The following SCRIB variants were observed in gnomAD, a reference collection of about 807,000 sequenced individuals.
SCRIB encodes protein scribble homolog.
In SCRIB, 72 loss-of-function variants were observed where a neutral mutation model predicts 170.0. That is an observed-to-expected ratio of 0.42 (90% CI 0.35 to 0.52). SCRIB has a LOEUF of 0.52. Among genes scored for constraint, SCRIB ranks in the 20% least tolerant of loss-of-function variants. The pLI is 0.02. For synonymous variants in SCRIB, 1,298 were observed against 1,044.3 expected (o/e 1.24, Z -4.68); for missense variants, 2,475 against 2,338.5 (o/e 1.06, Z -1.20).
intron 18 of SCRIB, 148 bp from the exon 19 acceptor site, chr8:143,805,583 T>C: frequency 1.2e-6 from 1 of 814,644 alleles, no homozygotes; most frequent in South Asian, 2.2e-5. Context: ...ACCCGAGACC[T>C]TTAGCCACAA....
At chr8:143,804,435 C>A in intron 21 of SCRIB, 133 bp downstream of exon 21, 1 of 942,308 alleles carries the variant, frequency 1.1e-6, no homozygotes, top group Non-Finnish European at 1.5e-6. Context: ...CCTCAAGGAG[C>A]TGCAGGGGAA....
chr8:143,806,833 G>A (rs575545977), intron 17 of SCRIB, 91 bp downstream of exon 17: 4 of 940,208 alleles, frequency 4.3e-6, no homozygotes, highest in Middle Eastern at 3.0e-4. Context: ...GCGTGTGAGT[G>A]TTCTCAGGGC....
chr8:143,800,550 CG>C (rs1185177904), intron 24 of SCRIB, among the ~76,000 whole-genome samples: 1 of 152,194 alleles, frequency 6.6e-6, no homozygotes, highest in Non-Finnish European at 1.5e-5. Flanking sequence ...CAAGAGCCAC[CG>C]GGGGACACCC....
In SCRIB at chr8:143,808,874, G is replaced by T; in HGVS notation, c.1850C>A (p.Ser617Tyr). ...TPHYKKHFKI[S>Y]KLPQPEAVVA... ...AACGGCCTCGGGCTGGGGCAGCTTG[G>T]AGATCTTGAAGTGCTTTTTGTAGTG... Residue 617 changes from serine to tyrosine, a missense_variant, in exon 15 of 37, where the codon TCC (serine) becomes TAC (tyrosine). By Grantham distance (144) the Ser-to-Tyr change is moderately radical. Transcript: ENST00000356994. 6.2e-7 allele frequency: 1 copy of T among 1,609,966 alleles called. No homozygotes were observed. Among genetic ancestry groups the T allele is most frequent in the East Asian group, 2.2e-5 (1 of 44,880 alleles).
intron 24 of SCRIB, among the ~76,000 whole-genome samples, chr8:143,796,114 G>A (rs529167207): frequency 6.6e-6 from 1 of 152,326 alleles, no homozygotes; most frequent in Non-Finnish European, 1.5e-5. Flanking sequence ...AGGCAGGGCA[G>A]AGGGGGGCGA....
rs1815255215 is a variant in SCRIB at position 143,803,363 on chromosome 8, C to G, written c.3603+20G>C. 6.5e-7 allele frequency: 1 copy of G among 1,539,836 alleles called. No homozygotes were observed. Among genetic ancestry groups the G allele is most frequent in the Non-Finnish European group, 8.7e-7 (1 of 1,143,284 alleles). ...GGCTGGGCCAGAGGGAGGCCCGGTC[C>G]CCGGGGCGGGATCGCTAACCTCCAG... On this transcript the variant is annotated intron_variant, in intron 24 of 36. Coordinates refer to ENST00000356994, the MANE Select transcript of SCRIB (RefSeq NM_182706.5).
At chr8:143,811,426 C>G (rs545672947) in intron 9 of SCRIB, 81 bp from the exon 10 acceptor site, 4 of 1,285,860 alleles carry the variant, frequency 3.1e-6, no homozygotes, top group Non-Finnish European at 4.4e-6. Flanking sequence ...CAGGAGGGCA[C>G]AGACACCCCA....
chr8:143,807,469 G>T, intron 16 of SCRIB, 83 bp downstream of exon 16: 1 of 1,106,528 alleles, frequency 9.0e-7, no homozygotes, highest in Non-Finnish European at 1.4e-6. Flanking sequence ...TCAAGCAACA[G>T]GGGCGGGGAG....
At chr8:143,791,331 C>A in intron 36 of SCRIB, 23 bp from the exon 37 acceptor site, 1 of 1,587,878 alleles carries the variant, frequency 6.3e-7, no homozygotes, top group Admixed American at 1.8e-5. Flanking sequence ...GACAGGTGGG[C>A]AGTGAGCTGA....
rs1816039706 is a variant in SCRIB at position 143,815,437 on chromosome 8, C to T, written c.-65G>A. Reference sequence around the variant, plus strand: ...GCGGGCTCGGGGCCGGGGGGCGGGGCTCAGTCCGCATGGGCGCCGCGCATG... The same window carrying T: ...GCGGGCTCGGGGCCGGGGGGCGGGGTTCAGTCCGCATGGGCGCCGCGCATG... On this transcript the variant is annotated 5_prime_UTR_variant, in exon 1 of 37. Coordinates refer to ENST00000356994, the MANE Select transcript of SCRIB (RefSeq NM_182706.5). 1 of 1,187,332 alleles carries T rather than the reference C, an allele frequency of 8.4e-7. No individual in the cohort carries two copies. The highest frequency in any genetic ancestry group is 1.0e-6 in the Non-Finnish European group (1 of 958,986). The allele number at this position is 1,187,332 out of a possible 1,614,324, so 73.5% of individuals were successfully genotyped here. A position where few individuals can be genotyped will look rare whatever the true frequency, so the allele number is the denominator to read the frequency against.
chr8:143,802,280 T>G (rs1489402143), intron 24 of SCRIB, among the ~76,000 whole-genome samples: 5 of 152,196 alleles, frequency 3.3e-5, no homozygotes, highest in African/African-American at 1.2e-4. Flanking sequence ...CAGACCCACT[T>G]CCCGCCAAGG....
Position 143,806,930 on chromosome 8 carries a change from G to A in SCRIB, c.2262C>T (p.Asp754=), listed in dbSNP as rs782008900. Residue 754 remains aspartate (D), a synonymous_variant, in exon 17 of 37, where the codon GAC becomes GAT. Coordinates refer to ENST00000356994, the MANE Select transcript of SCRIB (RefSeq NM_182706.5). ...CCTCCTAGGCAGTGCTCACCTCGTC[G>A]TCCCCCTTATAGGGTGTGGAGCCCT... is the stretch of plus-strand genomic sequence containing the variant. ...GGKGSTPYKG[D]DEGIFISRVS... The A allele has an allele frequency of 1.8e-5, 29 of 1,609,172 alleles. No homozygotes were observed. Among genetic ancestry groups the A allele is most frequent in the African/African-American group, 1.3e-4 (10 of 74,822 alleles).
chr8:143,795,498 CGCA>C lies in SCRIB; in HGVS notation c.3633_3635del (p.Phe1211_Ala1212delinsLeu), dbSNP rs782572971. 6.2e-7 allele frequency: 1 copy of C among 1,613,100 alleles called. No homozygotes were observed. The highest frequency in any genetic ancestry group is 2.2e-5 in the East Asian group (1 of 44,858). ...GGCTGTTCCGGTGGCCGATGCCTGC[CGCA>C]AAGGGGTTGGCAATGACACCTGGGG... On this transcript the variant is annotated inframe_deletion, in exon 25 of 37. Transcript: ENST00000356994.
In SCRIB at chr8:143,804,799, G is replaced by C. The variant is rs1218806334; in HGVS notation, c.2778C>G (p.Ala926=). ...GCAGGGAGACGGCGTGGTCATGCCT[G>C]GCCTCAGTCACGTCCACTCCATTAA... ...LSINGVDVTE[A]RHDHAVSLLT... is the part of the protein sequence containing the mutation. The change falls in exon 21 of 37, where the codon GCC becomes GCG. Residue 926 remains alanine (A), a synonymous_variant. Coordinates refer to ENST00000356994, the MANE Select transcript of SCRIB (RefSeq NM_182706.5). 1.3e-6 allele frequency: 2 copies of C among 1,596,572 alleles called. No individual in the cohort carries two copies. The highest frequency in any genetic ancestry group is 1.7e-6 in the Non-Finnish European group (2 of 1,175,842).
rs1189004378 is a variant in SCRIB at position 143,793,063 on chromosome 8, C to T, written c.3930G>A (p.Pro1310=). The T allele has an allele frequency of 4.1e-6, 6 of 1,466,352 alleles. No individual in the cohort carries two copies. The highest frequency in any genetic ancestry group is 1.4e-5 in the African/African-American group (1 of 69,794). 90.8% of individuals were successfully genotyped at this position (1,466,352 alleles called of 1,614,324 possible). A position where few individuals can be genotyped will look rare whatever the true frequency, so the allele number is the denominator to read the frequency against. ...GCTTCACATTGGCGGGCAGCTCATC[C>T]GGAGAAGGCGGGGAGGGCGGCTGGG... ...SGQQPPSPPS[P]DELPANVKQA... Residue 1310 remains proline, a synonymous_variant, in exon 29 of 37, where the codon CCG becomes CCA. Coordinates refer to ENST00000356994, the MANE Select transcript of SCRIB (RefSeq NM_182706.5).
At position 143,803,673 on chromosome 8, in the gene SCRIB, T is replaced by G; in HGVS notation, c.3388A>C (p.Thr1130Pro). 1 of 1,570,358 alleles carries G rather than the reference T, an allele frequency of 6.4e-7. No individual in the cohort carries two copies. The highest frequency in any genetic ancestry group is 8.6e-7 in the Non-Finnish European group (1 of 1,164,524). Residue 1130 changes from threonine to proline, a missense_variant, in exon 23 of 37, where the codon ACA becomes CCA. Physicochemically the swap from Thr to Pro is conservative, Grantham distance 38. This residue lies in a region of SCRIB where 1,966 missense variants were observed against 1,742.9 expected (regional missense o/e 1.13). Coordinates refer to ENST00000356994, the MANE Select transcript of SCRIB (RefSeq NM_182706.5). ...TTGGAGATGAAGATGCCCTCGTCTG[T>G]GGGGTCGCGGGGGTTGCCAGCGTGG... ...RGHAGNPRDP[T>P]DEGIFISKVS...
At chr8:143,794,194 T>C in intron 27 of SCRIB, 1 of 534,744 alleles carries the variant, frequency 1.9e-6, no homozygotes. Flanking sequence ...GGCAGTGTGC[T>C]GGCTGGAGCT....
In SCRIB at chr8:143,803,795, A is replaced by G; in HGVS notation, c.3266T>C (p.Val1089Ala). The G allele has an allele frequency of 1.2e-6, 2 of 1,603,444 alleles. No individual in the cohort carries two copies. The highest frequency in any genetic ancestry group is 1.7e-6 in the Non-Finnish European group (2 of 1,179,416). The change falls in exon 23 of 37, where the codon GTG (valine) becomes GCG (alanine). Residue 1089 changes from valine to alanine, a missense_variant. By Grantham distance (64) the Val-to-Ala change is moderately conservative. Transcript: ENST00000356994. ...GCCCGGGGGTGCCGGGTCCCTCCGC[A>G]CCAGCAGCGACAGCTCCAGGCAGGG... is the stretch of plus-strand genomic sequence containing the variant. Reference protein sequence around the residue: ...LRPCLELSLLVRRDPAPPGLR... With the variant: ...LRPCLELSLLARRDPAPPGLR...
At position 143,803,442 on chromosome 8, in the gene SCRIB, C is replaced by A; in HGVS notation, c.3544G>T (p.Asp1182Tyr). 2 of 1,596,902 alleles carry A rather than the reference C, an allele frequency of 1.3e-6. No homozygotes were observed. Among genetic ancestry groups the A allele is most frequent in the South Asian group, 2.2e-5 (2 of 90,256 alleles). Reference protein sequence around the residue: ...EAVQLLRSVGDTLTVLVCDGF... With the variant: ...EAVQLLRSVGYTLTVLVCDGF... ...TCACAGACCAGCACGGTGAGGGTGT[C>A]GCCCACACTGCGGAGCAGCTGCACC... Residue 1182 changes from aspartate (D) to tyrosine (Y), a missense_variant, in exon 24 of 37, where the codon GAC becomes TAC. Around this residue, in one of 3 missense-constraint regions of SCRIB, gnomAD observed 1,966 missense variants for 1,742.9 expected, o/e 1.13. Transcript: ENST00000356994.
Sources: gnomAD v4.1 joint callset for allele counts (sites outside exome capture counted in the v4.1 genomes callset) on GRCh38, gnomAD v4.1.1 for gene constraint, gnomAD v4.1.1 regional missense constraint, MANE v1.5 for transcripts, NCBI Gene and HGNC (gene_info 2026-07-23, HGNC 2026-07-21) for gene names.